Variants in MICAL3 observed in about 807,000 individuals in gnomAD.
The protein encoded by MICAL3 is [F-actin]-monooxygenase MICAL3.
In MICAL3, 62 loss-of-function variants were observed where a neutral mutation model predicts 207.4. The ratio of observed to expected loss-of-function variants is 0.30; its 90% CI spans 0.24 to 0.37. The LOEUF is 0.37. MICAL3 is among the 10% of genes least tolerant of loss of function. The pLI, the probability that MICAL3 is intolerant of heterozygous loss-of-function variation, is 1.00. For missense variants in MICAL3, 2,368 were observed against 2,635.6 expected, an observed-to-expected ratio of 0.90 and a Z score of 2.22; for synonymous variants, 1,077 against 1,069.3, an observed-to-expected ratio of 1.01 and a Z score of -0.14.
rs1278243661 is a variant in MICAL3 at position 17,976,533 on chromosome 22, A to ATG, written c.-75+47747_-75+47748insCA. 9.7e-4 allele frequency among the ~76,000 whole-genome samples: 112 copies of ATG among 115,480 alleles called. 1 individual carries two copies. The highest frequency in any genetic ancestry group is 3.7e-3 in the African/African-American group (105 of 28,526). The allele number at this position is 115,480 out of a possible 152,430, so 75.8% of individuals were successfully genotyped here. On this transcript the variant is annotated intron_variant, in intron 1 of 31. Transcript: ENST00000441493. The stretch of plus-strand genomic sequence containing the variant: ...AATATACATGTATATATGTGTATAT[A>ATG]TATGTGTGTGTGTGTGTGTGTGTGT...
intron 16 of MICAL3, 58 bp from the exon 17 acceptor site, chr22:17,872,081 C>A: frequency 6.9e-7 from 1 of 1,455,762 alleles, no homozygotes; most frequent in Non-Finnish European, 9.3e-7. Context: ...CACACAGGCC[C>A]TCCTAGAGGC....
chr22:17,811,059 TC>T (rs1361471548), intron 27 of MICAL3: 1 of 463,216 alleles, frequency 2.2e-6, no homozygotes. Flanking sequence ...ACACCTAAGA[TC>T]CACAGAGTGA....
chr22:17,940,764 C>A (rs868386465), intron 1 of MICAL3, among the ~76,000 whole-genome samples: 6 of 152,128 alleles, frequency 3.9e-5, no homozygotes, highest in African/African-American at 1.4e-4. Context: ...AGTTAAAGAA[C>A]CTTTTCCAGA....
In MICAL3 at chr22:17,879,950, G is replaced by C. The variant is rs546693951; in HGVS notation, c.2241+5928C>G. On this transcript the variant is annotated intron_variant, in intron 16 of 31. Transcript: ENST00000441493. ...GGCGAATGGACGGGAAGGTATATGT[G>C]AAAGGGTAAAGACCTGCAGGTAGGG... Among the ~76,000 whole-genome samples, 3 of 152,330 alleles carry C rather than the reference G, an allele frequency of 2.0e-5. No homozygotes were observed. In the South Asian group the frequency reaches 6.2e-4, roughly 32 times the overall value.
intron 16 of MICAL3, among the ~76,000 whole-genome samples, chr22:17,880,509 T>C (rs1461588749): frequency 1.3e-5 from 2 of 152,248 alleles, no homozygotes; most frequent in African/African-American, 4.8e-5. Context: ...ACGGTCACAC[T>C]TTAAACAGGC....
Position 17,827,789 on chromosome 22 carries a change from C to A in MICAL3, c.3056-8G>T. The A allele has an allele frequency of 6.5e-7, 1 of 1,543,732 alleles. No individual in the cohort carries two copies. The highest frequency in any genetic ancestry group is 8.8e-7 in the Non-Finnish European group (1 of 1,142,794). On this transcript the variant is annotated splice_region_variant and splice_polypyrimidine_tract_variant and intron_variant, in intron 21 of 31. Transcript: ENST00000441493. ...GGAGCCTCTGGTTCCCGGCTAGTGTCCCAGGGTCAAGGGGTGGAGAAATGA... is the reference window on the plus strand; with the variant it reads ...GGAGCCTCTGGTTCCCGGCTAGTGTACCAGGGTCAAGGGGTGGAGAAATGA...
intron 29 of MICAL3, among the ~76,000 whole-genome samples, chr22:17,801,065 G>C (rs2061932167): frequency 6.6e-6 from 1 of 152,110 alleles, no homozygotes; most frequent in African/African-American, 2.4e-5. Flanking sequence ...GAAGTGATGA[G>C]CTGATGAGCC....
At chr22:17,864,594 G>A (rs575744752) in intron 19 of MICAL3, 109 of 1,493,328 alleles carry the variant, frequency 7.3e-5, no homozygotes, top group Admixed American at 6.4e-4. Context: ...CAGGTGTGAT[G>A]GTGCGGGACG....
intron 1 of MICAL3, among the ~76,000 whole-genome samples, chr22:17,911,333 T>C (rs774947724): frequency 1.7e-5 from 2 of 117,200 alleles, no homozygotes; most frequent in Non-Finnish European, 3.7e-5. Flanking sequence ...TGTTTAAAAA[T>C]AGAAAAAAAA....
chr22:17,876,384 A>T (rs1271785936), intron 16 of MICAL3: 1 of 152,376 alleles, frequency 6.6e-6, no homozygotes, highest in Non-Finnish European at 1.5e-5. Flanking sequence ...TCCAGCTCCA[A>T]GCCAGATTGG....
intron 1 of MICAL3, among the ~76,000 whole-genome samples, chr22:17,930,939 G>C (rs1284683059): frequency 6.6e-6 from 1 of 152,204 alleles, no homozygotes; most frequent in African/African-American, 2.4e-5. Flanking sequence ...CACTGGGCCG[G>C]GGACCCAACT....
intron 22 of MICAL3, chr22:17,826,376 T>G (rs1922191965): frequency 2.5e-6 from 2 of 813,744 alleles, no homozygotes; most frequent in African/African-American, 3.7e-5. Flanking sequence ...GGCCCAGGAG[T>G]CTAGTGTTAA....
At chr22:17,964,591 G>A (rs755149874) in intron 1 of MICAL3, among the ~76,000 whole-genome samples, 7 of 152,122 alleles carry the variant, frequency 4.6e-5, no homozygotes, top group South Asian at 2.1e-4. Flanking sequence ...AATCAAACTC[G>A]GGCATTTCTG....
intron 29 of MICAL3, among the ~76,000 whole-genome samples, chr22:17,794,740 C>T (rs575623985): frequency 3.3e-5 from 5 of 152,224 alleles, no homozygotes; most frequent in South Asian, 4.1e-4. Flanking sequence ...CTTACAGGAA[C>T]GATGCTGGGA....
At chr22:17,884,255 G>A (rs1929675614) in intron 16 of MICAL3, 3 of 1,571,774 alleles carry the variant, frequency 1.9e-6, no homozygotes, top group African/African-American at 2.8e-5. Context: ...CACCCATCCT[G>A]GCCCTGGCAG....
chr22:17,971,061 C>T lies in MICAL3; in HGVS notation c.-75+53220G>A, dbSNP rs753305719. On this transcript the variant is annotated intron_variant, in intron 1 of 31. Transcript: ENST00000441493. Reference sequence around the variant, plus strand: ...CACAGTGACATATGCCTGTAAGTCCCAGCTACTCAGGTGGCTGAGGTGGGA... The same window carrying T: ...CACAGTGACATATGCCTGTAAGTCCTAGCTACTCAGGTGGCTGAGGTGGGA... Among the ~76,000 whole-genome samples the T allele has an allele frequency of 7.3e-4, 111 of 152,042 alleles. 1 individual carries two copies. The highest frequency in any genetic ancestry group is 5.7e-4 in the Non-Finnish European group (39 of 68,024).
rs971842220 is a variant in MICAL3 at position 17,789,416 on chromosome 22, A to T, written c.*1316T>A. The T allele has an allele frequency of 1.3e-4, 20 of 152,344 alleles. No homozygotes were observed. Among genetic ancestry groups the T allele is most frequent in the Non-Finnish European group, 5.9e-5 (4 of 68,040 alleles). The allele number at this position is 152,344 out of a possible 1,614,324, so 9.4% of individuals were successfully genotyped here. A position where few individuals can be genotyped will look rare whatever the true frequency, so the allele number is the denominator to read the frequency against. On this transcript the variant is annotated 3_prime_UTR_variant, in exon 32 of 32. Coordinates refer to ENST00000441493, the MANE Select transcript of MICAL3 (RefSeq NM_015241.3). ...AGGAAGGTGATGCCCTGGCCCCCAA[A>T]CTGAGACAAGGGCGAGTTCTGCAGA... is the stretch of plus-strand genomic sequence containing the variant.
intron 29 of MICAL3, among the ~76,000 whole-genome samples, chr22:17,801,893 C>CA (rs973071105): frequency 6.6e-5 from 10 of 150,446 alleles, no homozygotes; most frequent in Admixed American, 2.0e-4. Context: ...GACTCCATCT[C>CA]AAAAAAAACA....
At chr22:17,820,966 A>ATTTG (rs1433866802) in intron 25 of MICAL3, among the ~76,000 whole-genome samples, 4 of 142,770 alleles carry the variant, frequency 2.8e-5, no homozygotes, top group East Asian at 2.0e-4. Context: ...ATTTTAATAA[A>ATTTG]TTTATATTTA....
Sources: allele counts gnomAD v4.1 joint callset (sites outside exome capture counted in the v4.1 genomes callset), GRCh38; gene constraint gnomAD v4.1.1; transcripts MANE v1.5; gene names NCBI Gene and HGNC (gene_info 2026-07-23, HGNC 2026-07-21).